MLLT6: variants seen among roughly 807,000 people sequenced by gnomAD.
The protein encoded by MLLT6 is protein AF-17.
MLLT6 carries 22 observed loss-of-function variants against 103.0 expected under a neutral mutation model. The observed-to-expected ratio is 0.21, with a 90% CI of 0.15 to 0.31. The LOEUF is 0.31. Ranked by LOEUF, MLLT6 falls within the 10% of genes least tolerant of loss-of-function variation. MLLT6 has a pLI of 1.00. For synonymous variants in MLLT6, 606 were observed against 623.5 expected (o/e 0.97, Z 0.42); for missense variants, 1,199 against 1,441.7 (o/e 0.83, Z 2.73).
In MLLT6 at chr17:38,709,152, C is replaced by T. The variant is rs770951808; in HGVS notation, c.355-21C>T. On this transcript the variant is annotated intron_variant, in intron 4 of 19. Transcript: ENST00000621332. This position sits in a 1 kb window ranked among gnomAD's most constrained non-coding sequence, Gnocchi z 4.3. Reference sequence around the variant, plus strand: ...AACAGGGGCTCCCTGGAGGAGGGGACGATTGCGCTGTGTCCTGCAGACCTG... The same window carrying T: ...AACAGGGGCTCCCTGGAGGAGGGGATGATTGCGCTGTGTCCTGCAGACCTG... 3.1e-6 allele frequency: 5 copies of T among 1,595,386 alleles called. No homozygotes were observed. The highest frequency in any genetic ancestry group is 4.3e-6 in the Non-Finnish European group (5 of 1,169,370).
chr17:38,719,721 G>A (rs757539600), intron 13 of MLLT6, 29 bp from the exon 14 acceptor site: 2 of 1,597,714 alleles, frequency 1.3e-6, no homozygotes, highest in Admixed American at 3.4e-5. Flanking sequence ...TGGTCGGGTC[G>A]ACTGAACCCA....
chr17:38,714,548 G>C (rs1019890382), intron 8 of MLLT6: 2 of 152,188 alleles, frequency 1.3e-5, no homozygotes, highest in African/African-American at 4.8e-5. Context: ...GATCAGCCTG[G>C]CCAACATGGT....
rs1161191985 is a variant in MLLT6, at chr17:38,725,698, G to C, written c.*100G>C. On this transcript the variant is annotated 3_prime_UTR_variant, in exon 20 of 20. Transcript: ENST00000621332. ...GGCGCCTGCGCCCAGACCCTGGAGA[G>C]CCTTGACCCAGAGCCTGTGCTGAGG... The C allele has an allele frequency of 9.5e-7, 1 of 1,051,554 alleles. No homozygotes were observed. Among genetic ancestry groups the C allele is most frequent in the Non-Finnish European group, 1.4e-6 (1 of 728,448 alleles). 65.1% of individuals were successfully genotyped at this position (1,051,554 alleles called of 1,614,324 possible).
rs908152981 is a variant in MLLT6 at position 38,722,244 on chromosome 17, C to T, written c.2792+17C>T. On this transcript the variant is annotated intron_variant, in intron 17 of 19. Transcript: ENST00000621332. ...TCTCAACAGGTGAGGGAGAGCTCAG[C>T]CCTGGGAAGGGGAACAGGGTGGGGG... The T allele has an allele frequency of 7.3e-7, 1 of 1,367,374 alleles. No individual in the cohort carries two copies. Among genetic ancestry groups the T allele is most frequent in the Non-Finnish European group, 9.4e-7 (1 of 1,064,920 alleles). 84.7% of individuals were successfully genotyped at this position (1,367,374 alleles called of 1,614,324 possible). A position where few individuals can be genotyped will look rare whatever the true frequency, so the allele number is the denominator to read the frequency against.
chr17:38,720,398 G>T lies in MLLT6; in HGVS notation c.2182G>T (p.Ala728Ser), dbSNP rs1466745487. Residue 728 changes from alanine to serine, a missense_variant, in exon 15 of 20, where the codon GCG becomes TCG. Physicochemically the swap from Ala to Ser is moderately conservative, Grantham distance 99. Around this residue, in one of 7 missense-constraint regions of MLLT6, gnomAD observed 1,034 missense variants for 1,091.5 expected, o/e 0.95. Transcript: ENST00000621332. The part of the protein sequence containing the change: ...NIVEMLKALH[A>S]LQKENQRLQE... The stretch of plus-strand genomic sequence containing the variant: ...CGTGGAGATGCTGAAGGCGCTGCAC[G>T]CGCTGCAGAAGGAGAACCAGCGGCT... The T allele has an allele frequency of 1.4e-6, 2 of 1,433,022 alleles. No individual in the cohort carries two copies. Among genetic ancestry groups the T allele is most frequent in the East Asian group, 3.5e-5 (1 of 28,226 alleles). The allele number at this position is 1,433,022 out of a possible 1,614,324, so 88.8% of individuals were successfully genotyped here.
At position 38,716,148 on chromosome 17, in the gene MLLT6, G is replaced by C. The variant is rs916736769; in HGVS notation, c.1037-219G>C. ...ATAATCGCTACAGTCATCTGGTGAG[G>C]CCAGTAGGGTGCGAGTTACTCTCCC... On this transcript the variant is annotated intron_variant, in intron 9 of 19. Transcript: ENST00000621332. This position sits in a 1 kb window ranked among gnomAD's most constrained non-coding sequence, Gnocchi z 5.6. The C allele has an allele frequency of 1.1e-4, 65 of 608,464 alleles. No individual in the cohort carries two copies. Among genetic ancestry groups the C allele is most frequent in the Non-Finnish European group, 1.8e-4 (62 of 348,498 alleles). The allele number at this position is 608,464 out of a possible 1,614,324, so 37.7% of individuals were successfully genotyped here.
chr17:38,712,928 C>T, intron 8 of MLLT6, 139 bp downstream of exon 8: 2 of 751,270 alleles, frequency 2.7e-6, no homozygotes, highest in South Asian at 1.4e-5. Context: ...CCCTCCTACC[C>T]CATACCCTCT....
chr17:38,712,431 G>C (rs1234967695), intron 7 of MLLT6, among the ~76,000 whole-genome samples: 1 of 152,204 alleles, frequency 6.6e-6, no homozygotes, highest in African/African-American at 2.4e-5. Context: ...TTATGTTCAC[G>C]CGCGTGGTGC....
chr17:38,720,997 G>A, intron 16 of MLLT6: 1 of 575,258 alleles, frequency 1.7e-6, no homozygotes, highest in East Asian at 3.0e-5. Context: ...AAGCAAAGAA[G>A]GAGTAATCAC....
Position 38,717,561 on chromosome 17 carries a change from C to A in MLLT6, c.1781C>A (p.Ser594Tyr). Residue 594 changes from serine (S) to tyrosine (Y), a missense_variant, in exon 11 of 20, where the codon TCC (serine) becomes TAC (tyrosine). By Grantham distance (144) the Ser-to-Tyr change is moderately radical. Transcript: ENST00000621332. ...GTSALPRLSR[S>Y]PFTSTLPSSS... Reference sequence around the variant, plus strand: ...TCGGCCCTGCCCCGCCTCAGCCGCTCCCCGTTCACCAGCACCCTCCCCTCC... The same window carrying A: ...TCGGCCCTGCCCCGCCTCAGCCGCTACCCGTTCACCAGCACCCTCCCCTCC... 6.2e-7 allele frequency: 1 copy of A among 1,613,948 alleles called. No individual in the cohort carries two copies. The highest frequency in any genetic ancestry group is 8.5e-7 in the Non-Finnish European group (1 of 1,179,950).
intron 12 of MLLT6, chr17:38,719,254 A>G (rs530781326): frequency 1.9e-6 from 1 of 516,506 alleles, no homozygotes; most frequent in Admixed American, 3.6e-5. Context: ...CAGGAAAGGA[A>G]TTGGGCGGTG....
In MLLT6 at chr17:38,709,957, T is replaced by TC. The variant is rs1765238615; in HGVS notation, c.552+388dup. Among the ~76,000 whole-genome samples, 1 of 152,062 alleles carries TC rather than the reference T, an allele frequency of 6.6e-6. No homozygotes were observed. The highest frequency in any genetic ancestry group is 6.6e-5 in the Admixed American group (1 of 15,260). The stretch of plus-strand genomic sequence containing the variant: ...TCCTGCCATGTGTTATTTTGTGTGG[T>TC]CCCCCCACCAACCCTAAGAACTAGG... On this transcript the variant is annotated intron_variant, in intron 6 of 19. Coordinates refer to ENST00000621332, the MANE Select transcript of MLLT6 (RefSeq NM_005937.4). This position sits in a 1 kb window ranked among gnomAD's most constrained non-coding sequence, Gnocchi z 4.3.
chr17:38,711,909 G>A lies in MLLT6; in HGVS notation c.615G>A (p.Met205Ile), dbSNP rs145772552. 1.3e-5 allele frequency: 21 copies of A among 1,606,538 alleles called. No individual in the cohort carries two copies. In the Admixed American group the frequency reaches 2.9e-4, roughly 22 times the overall value. ...GCGCTGGAGGAGGAGGTGGCAGCAT[G>A]GGGGGAGGTGGCAGTGGTTTCATCT... ...GGGAGGGGGS[M>I]GGGGSGFISG... Residue 205 changes from methionine (M) to isoleucine (I), a missense_variant, in exon 7 of 20, where the codon ATG becomes ATA. Physicochemically the swap from Met to Ile is conservative, Grantham distance 10. Transcript: ENST00000621332.
chr17:38,719,490 C>T (rs1254902264), intron 12 of MLLT6, 27 bp from the exon 13 acceptor site: 3 of 1,589,542 alleles, frequency 1.9e-6, no homozygotes, highest in African/African-American at 1.3e-5. Flanking sequence ...CTCCTCCACG[C>T]TGATCCCAGC....
intron 10 of MLLT6, 46 bp from the exon 11 acceptor site, chr17:38,717,386 G>T: frequency 2.0e-6 from 3 of 1,476,648 alleles, no homozygotes; most frequent in Non-Finnish European, 1.8e-6. Flanking sequence ...GCAGGAGTCT[G>T]GGGTGGAGAG....
intron 3 of MLLT6, 84 bp from the exon 4 acceptor site, chr17:38,707,679 G>A (rs1904989460): frequency 8.1e-7 from 1 of 1,231,778 alleles, no homozygotes; most frequent in Admixed American, 1.8e-5. Flanking sequence ...CTGTGGAGGA[G>A]GGAACAGTCT....
intron 11 of MLLT6, 116 bp downstream of exon 11, chr17:38,717,729 C>T: frequency 7.2e-7 from 1 of 1,390,782 alleles, no homozygotes; most frequent in Non-Finnish European, 1.0e-6. Context: ...TCAGACCACC[C>T]TCCGGGCTCT....
intron 17 of MLLT6, 143 bp from the exon 18 acceptor site, chr17:38,722,535 G>T (rs957960093): frequency 1.2e-5 from 8 of 645,380 alleles, no homozygotes; most frequent in Non-Finnish European, 2.3e-5. Flanking sequence ...TATGAGCACG[G>T]TGCTCTAAGA....
chr17:38,705,877 G>A (rs989483284), intron 1 of MLLT6, 136 bp downstream of exon 1: 12 of 304,966 alleles, frequency 3.9e-5, no homozygotes, highest in African/African-American at 2.4e-4. Context: ...GGAGGCGTAG[G>A]GGGAGCTCCC....
Sources: gnomAD v4.1 joint callset for allele counts (sites outside exome capture counted in the v4.1 genomes callset) on GRCh38, gnomAD v4.1.1 for gene constraint, gnomAD v4.1.1 regional missense constraint, Gnocchi (gnomAD v3.1) non-coding constraint, MANE v1.5 for transcripts, NCBI Gene and HGNC (gene_info 2026-07-23, HGNC 2026-07-21) for gene names.